PAK2: variants seen among roughly 807,000 people sequenced by gnomAD.
The protein encoded by PAK2 is p21 (RAC1) activated kinase 2.
Under a neutral mutation model 65.9 loss-of-function variants are expected in PAK2, and 21 were observed. The observed-to-expected ratio is 0.32, with a 90% CI of 0.23 to 0.46. The LOEUF (loss-of-function observed/expected upper bound fraction) is 0.46, where lower values mean the gene tolerates loss of function less well. PAK2 is among the 20% of genes least tolerant of loss of function. The pLI, the probability that PAK2 is intolerant of heterozygous loss-of-function variation, is 1.00. For missense variants in PAK2, 324 were observed against 642.6 expected, an observed-to-expected ratio of 0.50 and a Z score of 5.36; for synonymous variants, 204 against 219.7, an observed-to-expected ratio of 0.93 and a Z score of 0.63.
At chr3:196,815,129 G>C (rs562823167) in intron 11 of PAK2, among the ~76,000 whole-genome samples, 1 of 150,872 alleles carries the variant, frequency 6.6e-6, no homozygotes, top group Non-Finnish European at 1.5e-5. Context: ...GCAGTGAGCC[G>C]AGATCACACC....
At chr3:196,743,691 C>G (rs1028388358) in intron 1 of PAK2, among the ~76,000 whole-genome samples, 2 of 151,968 alleles carry the variant, frequency 1.3e-5, no homozygotes, top group African/African-American at 4.8e-5. Context: ...CTCTACTATT[C>G]TTTAGTAGAG....
In PAK2 at chr3:196,829,319, T is replaced by G. The variant is rs1711988213; in HGVS notation, c.*914T>G. 6.6e-6 allele frequency: 1 copy of G among 152,632 alleles called. No individual in the cohort carries two copies. The highest frequency in any genetic ancestry group is 1.5e-5 in the Non-Finnish European group (1 of 68,042). The allele number at this position is 152,632 out of a possible 1,614,324, so 9.5% of individuals were successfully genotyped here. A position where few individuals can be genotyped will look rare whatever the true frequency, so the allele number is the denominator to read the frequency against. On this transcript the variant is annotated 3_prime_UTR_variant, in exon 15 of 15. Coordinates refer to ENST00000327134, the MANE Select transcript of PAK2 (RefSeq NM_002577.4). Reference sequence around the variant, plus strand: ...TTCTTCCCTCCTTTCCCCCTTCAATTTGGAAATAAATTTCTGTATATGTTG... The same window carrying G: ...TTCTTCCCTCCTTTCCCCCTTCAATGTGGAAATAAATTTCTGTATATGTTG...
At chr3:196,764,061 G>A (rs539336077) in intron 1 of PAK2, among the ~76,000 whole-genome samples, 4 of 151,222 alleles carry the variant, frequency 2.6e-5, no homozygotes, top group East Asian at 2.0e-4. Context: ...ACCTGCCTCC[G>A]AAAGTGCTGG....
At chr3:196,798,958 A>G (rs1021796008) in intron 2 of PAK2, among the ~76,000 whole-genome samples, 13 of 152,302 alleles carry the variant, frequency 8.5e-5, no homozygotes, top group African/African-American at 2.9e-4. Context: ...AAAAAGAATG[A>G]CAGTTTTTCC....
chr3:196,824,371 A>G (rs1012178587), intron 13 of PAK2, among the ~76,000 whole-genome samples: 2 of 152,212 alleles, frequency 1.3e-5, no homozygotes, highest in Non-Finnish European at 2.9e-5. Flanking sequence ...AGACAGGCAA[A>G]GGAGCAGGCA....
intron 1 of PAK2, among the ~76,000 whole-genome samples, chr3:196,772,771 G>A (rs139684486): frequency 0.015 from 2,309 of 152,256 alleles, 102 homozygotes; most frequent in Admixed American, 0.097. Context: ...GGGGCAGGTG[G>A]GGAGGGAAGG....
rs564795395 is a variant in PAK2, at chr3:196,767,393, T to C, written c.-21-15233T>C. Among the ~76,000 whole-genome samples, 19 of 136,618 alleles carry C rather than the reference T, an allele frequency of 1.4e-4. No individual in the cohort carries two copies. The South Asian group carries it at 4.4e-3, about 31-fold the overall frequency. 89.6% of individuals were successfully genotyped at this position (136,618 alleles called of 152,430 possible). On this transcript the variant is annotated intron_variant, in intron 1 of 14. Transcript: ENST00000327134. The stretch of plus-strand genomic sequence containing the variant: ...AAATTGTAGATTATTAAACCTATCC[T>C]CACAGAATTTTAGGAGGAAAAAATC...
chr3:196,809,348 C>CTTTTTTT (rs758343803), intron 7 of PAK2, among the ~76,000 whole-genome samples: 2 of 90,714 alleles, frequency 2.2e-5, no homozygotes, highest in Non-Finnish European at 4.0e-5. Flanking sequence ...TTATTATTAT[C>CTTTTTTT]TTTTTTTTTT....
At chr3:196,763,964 A>ATTT (rs11314152) in intron 1 of PAK2, among the ~76,000 whole-genome samples, 14 of 140,650 alleles carry the variant, frequency 1.0e-4, no homozygotes, top group Admixed American at 1.4e-4. Context: ...ACGCCCGGCT[A>ATTT]TTTTTTTTTT....
At chr3:196,801,397 G>T (rs929739156) in intron 2 of PAK2, among the ~76,000 whole-genome samples, 4 of 152,106 alleles carry the variant, frequency 2.6e-5, no homozygotes, top group African/African-American at 9.7e-5. Flanking sequence ...GTTTGGTTGT[G>T]TCCAGCCCTA....
chr3:196,751,696 A>AATAAAAATTACC (rs373145395), intron 1 of PAK2, among the ~76,000 whole-genome samples: 1 of 72,652 alleles, frequency 1.4e-5, no homozygotes, highest in Non-Finnish European at 2.5e-5. Flanking sequence ...TATATATATA[A>AATAAAAATTACC]TTCAGGCTAT....
intron 10 of PAK2, 56 bp downstream of exon 10, chr3:196,812,907 T>G (rs868282775): frequency 1.3e-6 from 1 of 791,060 alleles, no homozygotes; most frequent in East Asian, 2.6e-5. Flanking sequence ...TTAAGTCTCA[T>G]GGTTTCGGGG....
In PAK2 at chr3:196,829,184, C is replaced by T. The variant is rs1711982742; in HGVS notation, c.*779C>T. On this transcript the variant is annotated 3_prime_UTR_variant, in exon 15 of 15. Transcript: ENST00000327134. ...ATTCCCATTGACTGTAGACTTCTTC[C>T]CATTTTGTCTTCCCTTCTGCCTGTT... 6.6e-6 allele frequency: 1 copy of T among 152,568 alleles called. No individual in the cohort carries two copies. Among genetic ancestry groups the T allele is most frequent in the Non-Finnish European group, 1.5e-5 (1 of 68,046 alleles). 9.5% of individuals were successfully genotyped at this position (152,568 alleles called of 1,614,324 possible). A position where few individuals can be genotyped will look rare whatever the true frequency, so the allele number is the denominator to read the frequency against.
intron 1 of PAK2, among the ~76,000 whole-genome samples, chr3:196,762,556 C>T (rs1367097278): frequency 2.7e-5 from 4 of 149,998 alleles, no homozygotes; most frequent in African/African-American, 7.3e-5. Context: ...CGTGGCGGCG[C>T]ATGCCTGCAA....
At chr3:196,789,896 A>C (rs549701800) in intron 2 of PAK2, among the ~76,000 whole-genome samples, 18 of 152,306 alleles carry the variant, frequency 1.2e-4, no homozygotes, top group African/African-American at 3.8e-4. Flanking sequence ...CGCAGTTCAC[A>C]ATAGGGTTTG....
rs955463367 is a variant in PAK2 at position 196,831,497 on chromosome 3, G to A, written c.*3092G>A. ...TAATACAACTCTGTCTTCATGTGTT[G>A]ACTGCCTGGCACATAGTATTCATTC... On this transcript the variant is annotated 3_prime_UTR_variant, in exon 15 of 15. Transcript: ENST00000327134. The A allele has an allele frequency of 1.3e-5, 2 of 152,158 alleles. No individual in the cohort carries two copies. The highest frequency in any genetic ancestry group is 4.8e-5 in the African/African-American group (2 of 41,430). The allele number at this position is 152,158 out of a possible 1,614,324, so 9.4% of individuals were successfully genotyped here. A position where few individuals can be genotyped will look rare whatever the true frequency, so the allele number is the denominator to read the frequency against.
intron 1 of PAK2, among the ~76,000 whole-genome samples, chr3:196,764,537 T>A (rs1462381073): frequency 2.6e-5 from 4 of 151,226 alleles, no homozygotes; most frequent in African/African-American, 4.9e-5. Flanking sequence ...GAGAATCACT[T>A]GAACCTGGGA....
At chr3:196,763,385 A>G (rs183801363) in intron 1 of PAK2, among the ~76,000 whole-genome samples, 2 of 152,318 alleles carry the variant, frequency 1.3e-5, no homozygotes, top group East Asian at 3.9e-4. Flanking sequence ...AACTGGAACC[A>G]GGAAGCAAAA....
chr3:196,802,847 A>G (rs778740092), intron 3 of PAK2, among the ~76,000 whole-genome samples, 170 bp from the exon 4 acceptor site: 7 of 152,116 alleles, frequency 4.6e-5, no homozygotes, highest in Non-Finnish European at 1.0e-4. Context: ...CTCTGTCTCA[A>G]AAAAAGAAAA....
Sources: gnomAD v4.1 joint callset for allele counts (sites outside exome capture counted in the v4.1 genomes callset) on GRCh38, gnomAD v4.1.1 for gene constraint, MANE v1.5 for transcripts, NCBI Gene and HGNC (gene_info 2026-07-23, HGNC 2026-07-21) for gene names.